TNIK: variants seen among roughly 807,000 people sequenced by gnomAD.
TNIK encodes TRAF2 and NCK-interacting protein kinase.
TNIK carries 49 observed loss-of-function variants against 191.3 expected under a neutral mutation model. The ratio of observed to expected loss-of-function variants is 0.26; its 90% CI spans 0.20 to 0.32. The LOEUF is 0.32. Ranked by LOEUF, TNIK falls within the 10% of genes least tolerant of loss-of-function variation. The pLI is 1.00. For synonymous variants in TNIK, 594 were observed against 600.9 expected (o/e 0.99, Z 0.17); for missense variants, 1,155 against 1,702.3 (o/e 0.68, Z 5.66).
chr3:171,215,346 T>C (rs1242986006), intron 3 of TNIK, among the ~76,000 whole-genome samples: 1 of 152,194 alleles, frequency 6.6e-6, no homozygotes, highest in African/African-American at 2.4e-5. Context: ...ATGTAATGTT[T>C]ACTGTGTACC....
At chr3:171,229,890 G>A (rs1335987487) in intron 2 of TNIK, among the ~76,000 whole-genome samples, 2 of 152,090 alleles carry the variant, frequency 1.3e-5, no homozygotes, top group Non-Finnish European at 2.9e-5. Flanking sequence ...GGAGAGGATG[G>A]CGTGTTACCT....
intron 12 of TNIK, among the ~76,000 whole-genome samples, chr3:171,147,448 A>G (rs1157562463): frequency 3.3e-5 from 5 of 152,172 alleles, no homozygotes; most frequent in South Asian, 2.1e-4. Flanking sequence ...TAACGTTGCT[A>G]AAGTTTTAGT....
intron 13 of TNIK, among the ~76,000 whole-genome samples, 190 bp downstream of exon 13, chr3:171,140,209 C>A (rs1417810667): frequency 6.6e-6 from 1 of 152,186 alleles, no homozygotes; most frequent in Non-Finnish European, 1.5e-5. Flanking sequence ...GGGTAGAAAG[C>A]AAGGCTGAAT....
intron 1 of TNIK, among the ~76,000 whole-genome samples, chr3:171,407,660 G>A (rs563935273): frequency 1.3e-5 from 2 of 152,252 alleles, no homozygotes; most frequent in Admixed American, 6.5e-5. Flanking sequence ...ATTTTCCAGA[G>A]GAACAGAAAC....
intron 12 of TNIK, among the ~76,000 whole-genome samples, chr3:171,155,122 C>T (rs1732996792): frequency 1.3e-5 from 2 of 152,122 alleles, no homozygotes; most frequent in Admixed American, 1.3e-4. Context: ...GTTTTTCCTA[C>T]AAAAGGAAAA....
chr3:171,375,042 T>A (rs1717026437), intron 1 of TNIK, among the ~76,000 whole-genome samples: 1 of 152,154 alleles, frequency 6.6e-6, no homozygotes, highest in East Asian at 1.9e-4. Flanking sequence ...GGAACCATAA[T>A]CCCCAGCCCT....
intron 3 of TNIK, 94 bp downstream of exon 3, chr3:171,228,071 T>G: frequency 2.2e-6 from 3 of 1,393,550 alleles, no homozygotes; most frequent in Non-Finnish European, 3.0e-6. Flanking sequence ...CTTAACAATA[T>G]TTTCTACTTA....
chr3:171,271,425 A>C (rs1259489954), intron 2 of TNIK, among the ~76,000 whole-genome samples: 1 of 152,132 alleles, frequency 6.6e-6, no homozygotes, highest in Non-Finnish European at 1.5e-5. Context: ...GACCTATCCA[A>C]TACACACCCT....
intron 2 of TNIK, among the ~76,000 whole-genome samples, chr3:171,298,753 G>A (rs750562411): frequency 3.0e-4 from 46 of 152,154 alleles, no homozygotes; most frequent in African/African-American, 1.1e-3. Context: ...TGTGTGTAAA[G>A]CCACCAGAAA....
In TNIK at chr3:171,366,818, T is replaced by C. The variant is rs9868916; in HGVS notation, c.123+2802A>G. On this transcript the variant is annotated intron_variant, in intron 2 of 32. Transcript: ENST00000436636. The surrounding 1 kb of genome is among the most constrained non-coding windows in gnomAD (Gnocchi z 4.1). ...CATGGGAGAGACCAGGTGGAGATAA[T>C]TGAATCATGGAGGCGGTTTCACCCA... Among the ~76,000 whole-genome samples, 7,056 of 152,234 alleles carry C rather than the reference T, an allele frequency of 0.046. 509 individuals carry two copies. Among genetic ancestry groups the C allele is most frequent in the African/African-American group, 0.16 (6,508 of 41,514 alleles).
intron 1 of TNIK, among the ~76,000 whole-genome samples, chr3:171,392,795 A>G (rs1408252156): frequency 2.1e-5 from 3 of 139,970 alleles, no homozygotes; most frequent in African/African-American, 7.9e-5. Context: ...AAAAAAAAAA[A>G]GAAAAGAAAG....
At chr3:171,322,609 T>G (rs1469330173) in intron 2 of TNIK, among the ~76,000 whole-genome samples, 1 of 152,146 alleles carries the variant, frequency 6.6e-6, no homozygotes, top group African/African-American at 2.4e-5. Context: ...ACACGTAACT[T>G]GAAAACTTGG....
At position 171,128,793 on chromosome 3, in the gene TNIK, G is replaced by A; in HGVS notation, c.1694C>T (p.Pro565Leu). The change falls in exon 16 of 33, where the codon CCC (proline) becomes CTC (leucine). Residue 565 changes from proline to leucine, a missense_variant. Physicochemically the swap from Pro to Leu is moderately conservative, Grantham distance 98. Coordinates refer to ENST00000436636, the MANE Select transcript of TNIK (RefSeq NM_015028.4). Reference protein sequence around the residue: ...VANRISDPNLPPRSESFSISG... With the variant: ...VANRISDPNLLPRSESFSISG... ...AATGCTGAAGGACTCCGACCTTGGG[G>A]GCAGGTTGGGGTCAGATATCCTGTT... 6.2e-7 allele frequency: 1 copy of A among 1,610,776 alleles called. No individual in the cohort carries two copies. Among genetic ancestry groups the A allele is most frequent in the Non-Finnish European group, 8.5e-7 (1 of 1,178,862 alleles).
At chr3:171,179,817 A>G (rs560554594) in intron 7 of TNIK, among the ~76,000 whole-genome samples, 5 of 152,264 alleles carry the variant, frequency 3.3e-5, no homozygotes, top group African/African-American at 1.2e-4. Context: ...ACACTGAATC[A>G]TTTGCTGTTC....
intron 9 of TNIK, among the ~76,000 whole-genome samples, chr3:171,172,744 T>A (rs1217529097): frequency 6.6e-6 from 1 of 152,202 alleles, no homozygotes; most frequent in Non-Finnish European, 1.5e-5. Flanking sequence ...TCTGACAATA[T>A]GGGACTTGTT....
At chr3:171,173,859 T>A (rs1735640380) in intron 9 of TNIK, among the ~76,000 whole-genome samples, 1 of 152,048 alleles carries the variant, frequency 6.6e-6, no homozygotes, top group South Asian at 2.1e-4. Flanking sequence ...AGTGTCACTG[T>A]CACTTCCAGG....
At chr3:171,074,964 T>A (rs1719701952) in intron 28 of TNIK, among the ~76,000 whole-genome samples, 1 of 152,224 alleles carries the variant, frequency 6.6e-6, no homozygotes, top group African/African-American at 2.4e-5. Flanking sequence ...ATCAGCCTAC[T>A]GATGTTAGGA....
chr3:171,138,369 C>A lies in TNIK; in HGVS notation c.1430G>T (p.Arg477Leu). ...TTGTCTCTGTTCTTCCAATTGTTTG[C>A]GCTTATATTCCTGTCCAGATCAGGA... Reference protein sequence around the residue: ...HEQALLLEYKRKQLEEQRQAE... With the variant: ...HEQALLLEYKLKQLEEQRQAE... Residue 477 changes from arginine (R) to leucine (L), a missense_variant, in exon 15 of 33, where the codon CGC becomes CTC. Coordinates refer to ENST00000436636, the MANE Select transcript of TNIK (RefSeq NM_015028.4). 6.3e-7 allele frequency: 1 copy of A among 1,597,168 alleles called. No individual in the cohort carries two copies.
At chr3:171,370,109 C>A (rs182046981) in intron 1 of TNIK, among the ~76,000 whole-genome samples, 1 of 152,200 alleles carries the variant, frequency 6.6e-6, no homozygotes, top group Non-Finnish European at 1.5e-5. Context: ...GTTGAGTGAG[C>A]CCTGGTAGCT....
Sources: gnomAD v4.1 joint callset for allele counts (sites outside exome capture counted in the v4.1 genomes callset) on GRCh38, gnomAD v4.1.1 for gene constraint, Gnocchi (gnomAD v3.1) non-coding constraint, MANE v1.5 for transcripts, NCBI Gene and HGNC (gene_info 2026-07-23, HGNC 2026-07-21) for gene names.